Variants in UBE3A observed in about 807,000 individuals in gnomAD.
UBE3A encodes ubiquitin-protein ligase E3A.
In UBE3A, 6 loss-of-function variants were observed where a neutral mutation model predicts 83.4. That is an observed-to-expected ratio of 0.07 (90% CI 0.04 to 0.14). The LOEUF (loss-of-function observed/expected upper bound fraction) is 0.14, where lower values mean the gene tolerates loss of function less well. Ranked by LOEUF, UBE3A falls within the 10% of genes least tolerant of loss-of-function variation. The pLI, the probability that UBE3A is intolerant of heterozygous loss-of-function variation, is 1.00. For missense variants in UBE3A, 456 were observed against 1,036.1 expected, an observed-to-expected ratio of 0.44 and a Z score of 7.69; for synonymous variants, 337 against 355.4, an observed-to-expected ratio of 0.95 and a Z score of 0.58.
Position 25,392,853 on chromosome 15 carries a change from C to G in UBE3A, c.62+12608G>C, listed in dbSNP as rs143309725. ...ATGGAGAGGCAGGGAAAAGCCAGATCATGGAAGACCTCAATAGCCATGATA... is the reference window on the plus strand; with the variant it reads ...ATGGAGAGGCAGGGAAAAGCCAGATGATGGAAGACCTCAATAGCCATGATA... On this transcript the variant is annotated intron_variant, in intron 4 of 12. Coordinates refer to ENST00000648336, the MANE Select transcript of UBE3A (RefSeq NM_130839.5). Among the ~76,000 whole-genome samples, 131 of 152,258 alleles carry G rather than the reference C, an allele frequency of 8.6e-4. No individual in the cohort carries two copies. In the East Asian group the frequency reaches 0.017, roughly 20 times the overall value.
At chr15:25,364,632 G>GTTTTTT (rs80152524) in intron 6 of UBE3A, among the ~76,000 whole-genome samples, 2 of 121,160 alleles carry the variant, frequency 1.7e-5, no homozygotes, top group African/African-American at 7.1e-5. Context: ...GATTTTTAGG[G>GTTTTTT]TTTTTTTTGT....
chr15:25,361,957 CATCAG>C (rs1350988055), intron 6 of UBE3A, among the ~76,000 whole-genome samples: 4 of 152,174 alleles, frequency 2.6e-5, no homozygotes, highest in Non-Finnish European at 5.9e-5. Context: ...TAAATTAACG[CATCAG>C]GTCAGGTTGC....
chr15:25,375,512 CAGG>C lies in UBE3A; in HGVS notation c.311_313del (p.Ser104del), dbSNP rs2081069565. On this transcript the variant is annotated inframe_deletion, in exon 5 of 13. Coordinates refer to ENST00000648336, the MANE Select transcript of UBE3A (RefSeq NM_130839.5). ...TTTCTTGTTCATTTTTATCTCAGAG[CAGG>C]AGTTGTTGGGGGCACCTTTCGAGTT... 1 of 1,613,988 alleles carries C rather than the reference CAGG, an allele frequency of 6.2e-7. No homozygotes were observed. Among genetic ancestry groups the C allele is most frequent in the Admixed American group, 1.7e-5 (1 of 59,992 alleles).
chr15:25,371,832 A>G lies in UBE3A; in HGVS notation c.362-20T>C. Reference sequence around the variant, plus strand: ...TCACATCTAGAAAATCAGAGGAAAAAAGAGAACATTTATTTTCATAATATG... The same window carrying G: ...TCACATCTAGAAAATCAGAGGAAAAGAGAGAACATTTATTTTCATAATATG... On this transcript the variant is annotated intron_variant, in intron 5 of 12. Transcript: ENST00000648336. This position sits in a 1 kb window ranked among gnomAD's most constrained non-coding sequence, Gnocchi z 5.3. 6.3e-7 allele frequency: 1 copy of G among 1,598,708 alleles called. No individual in the cohort carries two copies. The highest frequency in any genetic ancestry group is 8.5e-7 in the Non-Finnish European group (1 of 1,176,714).
intron 1 of UBE3A, among the ~76,000 whole-genome samples, chr15:25,432,535 G>A (rs1035086700): frequency 7.9e-5 from 12 of 152,204 alleles, no homozygotes; most frequent in African/African-American, 2.9e-4. Context: ...ATCCTGAATT[G>A]CTGAAAGTAT....
At chr15:25,345,590 A>AC (rs1566849393) in intron 11 of UBE3A, 44 of 151,832 alleles carry the variant, frequency 2.9e-4, no homozygotes, top group Non-Finnish European at 4.0e-4. Context: ...ACACACACAC[A>AC]AATAAATAAA....
intron 3 of UBE3A, chr15:25,407,809 A>T (rs1305601530): frequency 6.6e-6 from 1 of 152,264 alleles, no homozygotes; most frequent in Non-Finnish European, 1.5e-5. Context: ...ATGCAGAACT[A>T]GCAGACATTT....
chr15:25,430,576 G>A (rs367723446), intron 1 of UBE3A, among the ~76,000 whole-genome samples: 50 of 151,560 alleles, frequency 3.3e-4, no homozygotes, highest in African/African-American at 1.2e-3. Context: ...CTGACCCCTA[G>A]TTCTGCCTAT....
intron 3 of UBE3A, 56 bp downstream of exon 3, chr15:25,409,032 T>G: frequency 6.5e-7 from 1 of 1,528,426 alleles, no homozygotes; most frequent in Non-Finnish European, 8.9e-7. Context: ...TTTTACAGTA[T>G]GTATTTCACT....
intron 6 of UBE3A, among the ~76,000 whole-genome samples, chr15:25,367,535 T>G (rs1043762635): frequency 4.6e-5 from 7 of 151,978 alleles, no homozygotes; most frequent in Non-Finnish European, 2.9e-5. Flanking sequence ...CTTAAGCAGT[T>G]CTAAGGTATT....
At chr15:25,340,623 A>G (rs1396654159) in intron 11 of UBE3A, among the ~76,000 whole-genome samples, 1 of 152,104 alleles carries the variant, frequency 6.6e-6, no homozygotes, top group Non-Finnish European at 1.5e-5. Flanking sequence ...GCCTTTGGGT[A>G]TATATTTTAT....
intron 1 of UBE3A, 149 bp from the exon 2 acceptor site, chr15:25,412,120 G>A (rs1335032546): frequency 6.6e-6 from 1 of 152,088 alleles, no homozygotes; most frequent in Non-Finnish European, 1.5e-5. Context: ...AATTACTGCT[G>A]TTGCCGGGAT....
At chr15:25,354,777 A>T in intron 9 of UBE3A, 94 bp from the exon 10 acceptor site, 2 of 1,147,350 alleles carry the variant, frequency 1.7e-6, no homozygotes, top group Non-Finnish European at 2.5e-6. Context: ...TTTTTCCAAG[A>T]AAAAAACATT....
rs189135296 is a variant in UBE3A at position 25,422,270 on chromosome 15, G to A, written c.-164-10299C>T. The stretch of plus-strand genomic sequence containing the variant: ...ATCAGTGGTTGCCTGGGGCCAAGAG[G>A]GAGAAATGACTACAGACAGGAAGGA... On this transcript the variant is annotated intron_variant, in intron 1 of 12. Coordinates refer to ENST00000648336, the MANE Select transcript of UBE3A (RefSeq NM_130839.5). Among the ~76,000 whole-genome samples, 185 of 152,082 alleles carry A rather than the reference G, an allele frequency of 1.2e-3. 1 individual carries two copies. Among genetic ancestry groups the A allele is most frequent in the African/African-American group, 4.3e-3 (177 of 41,468 alleles).
chr15:25,368,199 TGA>T (rs1293366410), intron 6 of UBE3A, among the ~76,000 whole-genome samples: 1 of 152,154 alleles, frequency 6.6e-6, no homozygotes, highest in East Asian at 1.9e-4. Flanking sequence ...AGCTTTCATA[TGA>T]GAGAATAATC....
chr15:25,394,592 A>G (rs960577304), intron 4 of UBE3A, among the ~76,000 whole-genome samples: 1 of 152,212 alleles, frequency 6.6e-6, no homozygotes, highest in Non-Finnish European at 1.5e-5. Context: ...TACTCTGATT[A>G]AAAAGCTCAG....
At chr15:25,407,562 C>T (rs2088934657) in intron 3 of UBE3A, 1 of 152,586 alleles carries the variant, frequency 6.6e-6, no homozygotes, top group Non-Finnish European at 1.5e-5. Context: ...TGAACTTTGG[C>T]ATCAAAATGT....
chr15:25,376,281 TCAA>T (rs1566978593), intron 4 of UBE3A, among the ~76,000 whole-genome samples: 1 of 152,188 alleles, frequency 6.6e-6, no homozygotes, highest in Non-Finnish European at 1.5e-5. Context: ...TTCCCAATTA[TCAA>T]CAACATGGGA....
chr15:25,334,538 G>C lies in UBE3A; in HGVS notation c.*4599C>G, dbSNP rs747013665. 13 of 150,458 alleles carry C rather than the reference G, an allele frequency of 8.6e-5. No individual in the cohort carries two copies. Among genetic ancestry groups the C allele is most frequent in the Non-Finnish European group, 1.6e-4 (11 of 67,880 alleles). 9.3% of individuals were successfully genotyped at this position (150,458 alleles called of 1,614,324 possible). The stretch of plus-strand genomic sequence containing the variant: ...AGATCCCAGCTGTTTTGCAGGAATT[G>C]ACACAATGATCATATAAAAATTCAT... On this transcript the variant is annotated 3_prime_UTR_variant, in exon 13 of 13. Coordinates refer to ENST00000648336, the MANE Select transcript of UBE3A (RefSeq NM_130839.5).
Sources: gnomAD v4.1 joint callset for allele counts (sites outside exome capture counted in the v4.1 genomes callset) on GRCh38, gnomAD v4.1.1 for gene constraint, Gnocchi (gnomAD v3.1) non-coding constraint, MANE v1.5 for transcripts, NCBI Gene and HGNC (gene_info 2026-07-23, HGNC 2026-07-21) for gene names.